The following ELFN1 variants were observed in gnomAD, a reference collection of about 807,000 sequenced individuals.
ELFN1 encodes the protein extracellular leucine rich repeat and fibronectin type III domain containing 1.
Under a neutral mutation model 7.6 loss-of-function variants are expected in ELFN1, and 6 were observed. That is an observed-to-expected ratio of 0.79 (90% CI 0.43 to 1.56). The LOEUF (loss-of-function observed/expected upper bound fraction) is 1.56, where lower values mean the gene tolerates loss of function less well. Ranked by LOEUF, ELFN1 falls within the 40% of genes most tolerant of loss-of-function variation. The pLI, the probability that ELFN1 is intolerant of heterozygous loss-of-function variation, is 0.01. For missense variants in ELFN1, 1,169 were observed against 1,232.2 expected, an observed-to-expected ratio of 0.95 and a Z score of 0.77; for synonymous variants, 657 against 588.1, an observed-to-expected ratio of 1.12 and a Z score of -1.70.
upstream of ELFN1, among the ~76,000 whole-genome samples, chr7:1,667,720 A>G (rs1400884989): frequency 6.6e-6 from 1 of 151,374 alleles, no homozygotes; most frequent in African/African-American, 2.4e-5. The surrounding 1 kb of genome is among the most constrained non-coding windows in gnomAD (Gnocchi z 8.2). Context: ...TAACTCCGGG[A>G]CTCCGCCGCC....
In ELFN1 at chr7:1,745,046, C is replaced by T; in HGVS notation, c.450C>T (p.Ser150=). Residue 150 remains serine (S), a synonymous_variant, in exon 4 of 4, where the codon AGC becomes AGT. Coordinates refer to ENST00000424383, the MANE Select transcript of ELFN1 (RefSeq NM_001128636.4). ...ACCTCATCGAGGTGGTCATGGCCAG[C>T]AGCTTCTGGGAGTGTCCCAACATCG... is the stretch of plus-strand genomic sequence containing the variant. ...QANLIEVVMA[S]SFWECPNIVN... is the part of the protein sequence containing the mutation. 2 of 1,551,118 alleles carry T rather than the reference C, an allele frequency of 1.3e-6. No individual in the cohort carries two copies. Among genetic ancestry groups the T allele is most frequent in the Non-Finnish European group, 1.7e-6 (2 of 1,146,990 alleles).
intron 3 of ELFN1, among the ~76,000 whole-genome samples, chr7:1,715,663 G>A (rs1041889004): frequency 6.6e-6 from 1 of 152,108 alleles, no homozygotes; most frequent in Non-Finnish European, 1.5e-5. Context: ...ATTTCCTCCT[G>A]TAATTTACAT....
At position 1,675,827 on chromosome 7, in the gene ELFN1, C is replaced by G. The variant is rs759562199; in HGVS notation, c.-549+5473C>G. On this transcript the variant is annotated intron_variant, in intron 1 of 3. Transcript: ENST00000424383. ...CCCGAAGTAGTGGCTGGGAAGGTGTCCCGGAGATACCCACAGCACAGCTGC... is the reference window on the plus strand; with the variant it reads ...CCCGAAGTAGTGGCTGGGAAGGTGTGCCGGAGATACCCACAGCACAGCTGC... Among the ~76,000 whole-genome samples the G allele has an allele frequency of 9.1e-4, 139 of 152,194 alleles. 1 individual carries two copies. Among genetic ancestry groups the G allele is most frequent in the Non-Finnish European group, 1.8e-3 (120 of 68,028 alleles).
In ELFN1 at chr7:1,673,092, C is replaced by G. The variant is rs894183747; in HGVS notation, c.-549+2738C>G. Among the ~76,000 whole-genome samples the G allele has an allele frequency of 3.2e-5, 3 of 94,214 alleles. No individual in the cohort carries two copies. The highest frequency in any genetic ancestry group is 5.5e-4 in the South Asian group (2 of 3,604). The allele number at this position is 94,214 out of a possible 152,430, so 61.8% of individuals were successfully genotyped here. A position where few individuals can be genotyped will look rare whatever the true frequency, so the allele number is the denominator to read the frequency against. ...ATTTGTCATCTCTCCAGCGCCCCCC[C>G]CCGCTCTTTCCTTTTTGTTTTTGTT... On this transcript the variant is annotated intron_variant, in intron 1 of 3. Transcript: ENST00000424383. This position sits in a 1 kb window ranked among gnomAD's most constrained non-coding sequence, Gnocchi z 4.7.
chr7:1,745,304 C>T lies in ELFN1; in HGVS notation c.708C>T (p.Arg236=). Residue 236 remains arginine, a synonymous_variant, in exon 4 of 4, where the codon CGC becomes CGT. Coordinates refer to ENST00000424383, the MANE Select transcript of ELFN1 (RefSeq NM_001128636.4). ...GCTACTACCTCCTGGGCCAGGGCCG[C>T]CGCGGCCACCGCAGCATCCTCAGCA... is the stretch of plus-strand genomic sequence containing the variant. ...YSGYYLLGQG[R]RGHRSILSKL... is the part of the protein sequence containing the mutation. 2 of 1,538,662 alleles carry T rather than the reference C, an allele frequency of 1.3e-6. No individual in the cohort carries two copies. Among genetic ancestry groups the T allele is most frequent in the South Asian group, 1.2e-5 (1 of 84,050 alleles).
At chr7:1,712,662 C>G (rs1328035793) in intron 3 of ELFN1, among the ~76,000 whole-genome samples, 1 of 151,812 alleles carries the variant, frequency 6.6e-6, no homozygotes, top group East Asian at 1.9e-4. Context: ...AAACTCCTGA[C>G]CTCAAGTGAT....
rs777309580 is a variant in ELFN1 at position 1,717,881 on chromosome 7, C to T, written c.-294+8629C>T. 4.2e-4 allele frequency among the ~76,000 whole-genome samples: 64 copies of T among 152,312 alleles called. 1 individual carries two copies. In the Middle Eastern group the frequency reaches 0.01, roughly 24 times the overall value. On this transcript the variant is annotated intron_variant, in intron 3 of 3. Transcript: ENST00000424383. ...CTCCCTTCCCCCTATGCGCAGAGTA[C>T]CTCCAGATTGTGCCAGGCCCCCTCC...
At chr7:1,725,290 C>T (rs1020152354) in intron 3 of ELFN1, among the ~76,000 whole-genome samples, 5 of 152,238 alleles carry the variant, frequency 3.3e-5, no homozygotes, top group African/African-American at 7.2e-5. Flanking sequence ...GCCAGAATCC[C>T]GCCCACAGCT....
At chr7:1,693,083 C>G in intron 2 of ELFN1, 1 of 321,678 alleles carries the variant, frequency 3.1e-6, no homozygotes, top group Non-Finnish European at 6.2e-6. Context: ...TCAGCCCCAG[C>G]TGGGCTGGCC....
intron 3 of ELFN1, among the ~76,000 whole-genome samples, chr7:1,737,133 C>A (rs577941893): frequency 1.3e-5 from 2 of 152,138 alleles, no homozygotes; most frequent in Non-Finnish European, 2.9e-5. Context: ...ATGCCTGTTA[C>A]CCTCCTTCCC....
intron 3 of ELFN1, among the ~76,000 whole-genome samples, chr7:1,713,350 C>T (rs532768182): frequency 6.6e-6 from 1 of 152,292 alleles, no homozygotes; most frequent in Admixed American, 6.5e-5. Flanking sequence ...TGCGGTCTGA[C>T]GGTGGAGGCA....
intron 3 of ELFN1, among the ~76,000 whole-genome samples, chr7:1,736,711 A>G (rs1780457723): frequency 6.6e-6 from 1 of 152,146 alleles, no homozygotes; most frequent in Non-Finnish European, 1.5e-5. Flanking sequence ...CCTTGGAGGC[A>G]TCTGGTTCAA....
intron 3 of ELFN1, among the ~76,000 whole-genome samples, chr7:1,717,614 C>T (rs540754754): frequency 4.6e-5 from 7 of 152,262 alleles, no homozygotes; most frequent in South Asian, 4.2e-4. Context: ...CAGAGAGGAA[C>T]GGTGCATGCA....
upstream of ELFN1, among the ~76,000 whole-genome samples, chr7:1,668,762 C>T (rs1281525782): frequency 6.6e-6 from 1 of 152,264 alleles, no homozygotes; most frequent in Non-Finnish European, 1.5e-5. Flanking sequence ...TGCTCTTGGC[C>T]TGCGGCCTGG....
At chr7:1,725,947 C>T (rs571396974) in intron 3 of ELFN1, among the ~76,000 whole-genome samples, 35 of 144,072 alleles carry the variant, frequency 2.4e-4, no homozygotes, top group Admixed American at 1.5e-3. Context: ...CAAATACACA[C>T]GCACAAAAGT....
intron 3 of ELFN1, among the ~76,000 whole-genome samples, chr7:1,715,829 G>A (rs558620281): frequency 2.6e-5 from 4 of 152,294 alleles, no homozygotes; most frequent in Non-Finnish European, 4.4e-5. Flanking sequence ...CCTGAAGGCT[G>A]CCTCCGGCCC....
chr7:1,693,643 A>T (rs775458763), intron 2 of ELFN1: 1 of 471,188 alleles, frequency 2.1e-6, no homozygotes, highest in South Asian at 1.5e-5. Context: ...GTCCGTGTGA[A>T]CACATGCAGG....
intron 2 of ELFN1, among the ~76,000 whole-genome samples, chr7:1,699,848 C>T (rs1013023259): frequency 2.0e-5 from 3 of 152,054 alleles, no homozygotes; most frequent in Non-Finnish European, 2.9e-5. Flanking sequence ...GGATTACAGG[C>T]GTGTGCCACC....
At chr7:1,723,720 T>C (rs1780095431) in intron 3 of ELFN1, among the ~76,000 whole-genome samples, 1 of 152,204 alleles carries the variant, frequency 6.6e-6, no homozygotes, top group Admixed American at 6.5e-5. Context: ...GCCTAGTTGT[T>C]TTCCAGCACT....
Sources: allele counts gnomAD v4.1 joint callset (sites outside exome capture counted in the v4.1 genomes callset), GRCh38; gene constraint gnomAD v4.1.1; non-coding constraint Gnocchi (gnomAD v3.1); transcripts MANE v1.5; gene names NCBI Gene and HGNC (gene_info 2026-07-23, HGNC 2026-07-21).